Variants in ABLIM1 observed in about 807,000 individuals in gnomAD.
The protein encoded by ABLIM1 is actin binding LIM protein 1, also known as actin-binding LIM protein 1.
Under a neutral mutation model 107.0 loss-of-function variants are expected in ABLIM1, and 40 were observed. The observed-to-expected ratio is 0.37, with a 90% CI of 0.29 to 0.49. The LOEUF (loss-of-function observed/expected upper bound fraction) is 0.49, where lower values mean the gene tolerates loss of function less well. Ranked by LOEUF, ABLIM1 falls within the 20% of genes least tolerant of loss-of-function variation. The pLI, the probability that ABLIM1 is intolerant of heterozygous loss-of-function variation, is 0.97. For missense variants in ABLIM1, 857 were observed against 1,008.5 expected (o/e 0.85, Z 2.04); for synonymous variants, 357 against 357.3 (o/e 1.00, Z 0.01).
chr10:114,441,618 A>G, intron 18 of ABLIM1, 104 bp downstream of exon 18: 1 of 1,102,116 alleles, frequency 9.1e-7, no homozygotes, highest in Non-Finnish European at 1.4e-6. Flanking sequence ...TTATGTTCCA[A>G]CACTGAGATC....
chr10:114,747,069 G>C (rs906682440), intron 1 of ABLIM1, among the ~76,000 whole-genome samples: 3 of 152,058 alleles, frequency 2.0e-5, no homozygotes, highest in Non-Finnish European at 4.4e-5. Flanking sequence ...TGTTTTCTTT[G>C]ATGTGTAGAA....
At chr10:114,643,117 G>A (rs1053312282) in intron 1 of ABLIM1, among the ~76,000 whole-genome samples, 1 of 152,112 alleles carries the variant, frequency 6.6e-6, no homozygotes, top group African/African-American at 2.4e-5. Flanking sequence ...AATAAACTCA[G>A]GAATGCAAAC....
intron 1 of ABLIM1, among the ~76,000 whole-genome samples, chr10:114,754,296 T>C (rs2082583172): frequency 6.6e-6 from 1 of 152,086 alleles, no homozygotes; most frequent in South Asian, 2.1e-4. Flanking sequence ...TAAATCTTTC[T>C]ACTCCAGCAA....
intron 10 of ABLIM1, among the ~76,000 whole-genome samples, chr10:114,471,286 G>C (rs769027027): frequency 6.6e-6 from 1 of 152,068 alleles, no homozygotes; most frequent in Non-Finnish European, 1.5e-5. Context: ...GCTGGGAAAC[G>C]CACACAGACA....
chr10:114,699,252 A>G (rs1454733669), intron 1 of ABLIM1, among the ~76,000 whole-genome samples: 2 of 152,064 alleles, frequency 1.3e-5, no homozygotes, highest in Non-Finnish European at 2.9e-5. Context: ...CCCTTGGATG[A>G]TGCTTTAATA....
intron 1 of ABLIM1, among the ~76,000 whole-genome samples, chr10:114,762,070 G>T (rs1253569529): frequency 6.7e-6 from 1 of 150,030 alleles, no homozygotes; most frequent in Non-Finnish European, 1.5e-5. Context: ...GTCTCACTTT[G>T]TCGCCCAGGC....
chr10:114,769,693 A>C (rs897186160), upstream of ABLIM1, among the ~76,000 whole-genome samples: 1 of 152,244 alleles, frequency 6.6e-6, no homozygotes, highest in East Asian at 1.9e-4. Context: ...AATATTAAAA[A>C]ATAGGTGAAC....
At chr10:114,490,526 G>A (rs2058766588) in intron 7 of ABLIM1, among the ~76,000 whole-genome samples, 1 of 152,210 alleles carries the variant, frequency 6.6e-6, no homozygotes, top group Non-Finnish European at 1.5e-5. Flanking sequence ...TGCACAGGTA[G>A]TTGAGACCCA....
chr10:114,470,595 T>C (rs1420532689), intron 10 of ABLIM1, among the ~76,000 whole-genome samples: 4 of 152,136 alleles, frequency 2.6e-5, no homozygotes, highest in African/African-American at 7.2e-5. Context: ...GGGCACCCTC[T>C]ATGCATAGAG....
chr10:114,684,579 T>C, exon 1 of ABLIM1: 1 of 1,333,436 alleles, frequency 7.5e-7, no homozygotes. Flanking sequence ...GTACAGATTC[T>C]GCATCCCCTT....
rs575428269 is a variant in ABLIM1 at position 114,584,809 on chromosome 10, G to A, written c.380-9210C>T. ...CATTTGAGAGTTTGTATTTAATTCA[G>A]AGTTTGAATTTACAATATTAAGTAA... On this transcript the variant is annotated intron_variant, in intron 2 of 22. Transcript: ENST00000533213. 1.4e-4 allele frequency among the ~76,000 whole-genome samples: 22 copies of A among 152,226 alleles called. No individual in the cohort carries two copies. The East Asian group carries it at 3.3e-3, about 23-fold the overall frequency.
Position 114,482,353 on chromosome 10 carries a change from AT to A in ABLIM1, c.1041+5604del, listed in dbSNP as rs376797023. ...AACAAAAATGACTTTCCTGCTATAGATTTTACTTTCCTCTACAACAAAACCA... is the reference window on the plus strand; with the variant it reads ...AACAAAAATGACTTTCCTGCTATAGATTTACTTTCCTCTACAACAAAACCA... On this transcript the variant is annotated intron_variant, in intron 8 of 22. Coordinates refer to ENST00000533213, the MANE Select transcript of ABLIM1 (RefSeq NM_002313.7). Among the ~76,000 whole-genome samples the A allele has an allele frequency of 6.6e-4, 101 of 152,278 alleles. No individual in the cohort carries two copies. The East Asian group carries it at 7.5e-3, about 11-fold the overall frequency.
In ABLIM1 at chr10:114,453,482, G is replaced by A. The variant is rs148156783; in HGVS notation, c.1443C>T (p.Gly481=). The A allele has an allele frequency of 3.8e-6, 6 of 1,565,756 alleles. No homozygotes were observed. The highest frequency in any genetic ancestry group is 1.4e-5 in the African/African-American group (1 of 72,818). Residue 481 remains glycine (G), a splice_region_variant and synonymous_variant, in exon 13 of 23, where the codon GGC becomes GGT. Transcript: ENST00000533213. ...AGTTCCGGCCGCTGGACGGCTCATT[G>A]CCTCCAATGAGAAGAATGGAAAAAA... ...SRSPQHFHRP[G]NEPSSGRNSP...
At chr10:114,547,466 T>G (rs920906010) in intron 5 of ABLIM1, 184 bp downstream of exon 5, 1 of 734,060 alleles carries the variant, frequency 1.4e-6, no homozygotes, top group African/African-American at 1.8e-5. Context: ...ATTAGGTTTA[T>G]AGTAGCCAAG....
chr10:114,547,539 TG>T, intron 5 of ABLIM1, 110 bp downstream of exon 5: 1 of 1,407,012 alleles, frequency 7.1e-7, no homozygotes, highest in Non-Finnish European at 9.6e-7. Context: ...TGGCAGGATG[TG>T]AACAATTTCA....
rs11297952 is a variant in ABLIM1, at chr10:114,461,393, G to GT, written c.1441+4304dup. Among the ~76,000 whole-genome samples the GT allele has an allele frequency of 6.5e-3, 910 of 140,732 alleles. 14 individuals carry two copies. Among genetic ancestry groups the GT allele is most frequent in the East Asian group, 0.025 (116 of 4,692 alleles). The allele number at this position is 140,732 out of a possible 152,430, so 92.3% of individuals were successfully genotyped here. A position where few individuals can be genotyped will look rare whatever the true frequency, so the allele number is the denominator to read the frequency against. On this transcript the variant is annotated intron_variant, in intron 12 of 22. Coordinates refer to ENST00000533213, the MANE Select transcript of ABLIM1 (RefSeq NM_002313.7). ...TCTCTTTAAAATACACAACTGAAGG[G>GT]TTTTTTTTTTTTTTTAAGAAAAAAA...
chr10:114,798,828 G>A, the ABLIM1 span, among the ~76,000 whole-genome samples: 3 of 151,426 alleles, frequency 2.0e-5, no homozygotes, highest in Admixed American at 6.6e-5. Context: ...ACGGAGTCTC[G>A]CTCTGTCGCC....
chr10:114,730,168 C>T (rs1420778652), intron 1 of ABLIM1, among the ~76,000 whole-genome samples: 1 of 152,014 alleles, frequency 6.6e-6, no homozygotes, highest in Admixed American at 6.5e-5. Flanking sequence ...GAGGCCAAAG[C>T]AGGTGGATCC....
intron 2 of ABLIM1, among the ~76,000 whole-genome samples, chr10:114,597,672 T>C (rs2075564247): frequency 6.6e-6 from 1 of 152,200 alleles, no homozygotes; most frequent in Non-Finnish European, 1.5e-5. Flanking sequence ...AGAGATGGCC[T>C]GAGAATACGA....
Sources: allele counts gnomAD v4.1 joint callset (sites outside exome capture counted in the v4.1 genomes callset), GRCh38; gene constraint gnomAD v4.1.1; transcripts MANE v1.5; gene names NCBI Gene and HGNC (gene_info 2026-07-23, HGNC 2026-07-21).